The following ZNF292 variants were observed in gnomAD, a reference collection of about 807,000 sequenced individuals.
The protein encoded by ZNF292 is 16 zinc-finger domain protein.
In ZNF292, 26 loss-of-function variants were observed where a neutral mutation model predicts 217.9. The observed-to-expected ratio is 0.12, with a 90% CI of 0.09 to 0.17. The LOEUF (loss-of-function observed/expected upper bound fraction) is 0.17. Among genes scored for constraint, ZNF292 ranks in the 10% least tolerant of loss-of-function variants. ZNF292 has a pLI of 1.00. For synonymous variants in ZNF292, 1,257 were observed against 1,124.1 expected (o/e 1.12, Z -2.37); for missense variants, 2,904 against 3,175.2 (o/e 0.91, Z 2.05).
chr6:87,237,935 T>C (rs1773980108), intron 5 of ZNF292, among the ~76,000 whole-genome samples: 1 of 152,244 alleles, frequency 6.6e-6, no homozygotes, highest in South Asian at 2.1e-4. Context: ...TTTTCATGAT[T>C]TTAATTAGTA....
At chr6:87,199,722 A>G (rs1018108220) in intron 1 of ZNF292, among the ~76,000 whole-genome samples, 4 of 152,210 alleles carry the variant, frequency 2.6e-5, no homozygotes, top group African/African-American at 9.7e-5. Context: ...GGTTCAGCCT[A>G]TATTAACATT....
At position 87,257,401 on chromosome 6, in the gene ZNF292, G is replaced by T. The variant is rs779008469; in HGVS notation, c.3772G>T (p.Gly1258Cys). 5.0e-6 allele frequency: 8 copies of T among 1,613,558 alleles called. No individual in the cohort carries two copies. Among genetic ancestry groups the T allele is most frequent in the Middle Eastern group, 1.6e-4 (1 of 6,062 alleles). The change falls in exon 8 of 8, where the codon GGC becomes TGC. Residue 1258 changes from glycine (G) to cysteine (C), a missense_variant. Around this residue, in one of 15 missense-constraint regions of ZNF292, gnomAD observed 687 missense variants for 623.0 expected, o/e 1.10. Transcript: ENST00000369577. ...KTVLPLNIDS[G>C]SDPFLPLPAE... is the part of the protein sequence containing the mutation. ...AGTTCTGCCTTTGAATATTGACAGT[G>T]GCTCAGATCCTTTCCTTCCTTTACC...
At chr6:87,233,179 TC>T (rs1222565480) in intron 4 of ZNF292, 145 bp from the exon 5 acceptor site, 2 of 613,856 alleles carry the variant, frequency 3.3e-6, no homozygotes, top group East Asian at 5.7e-5. Flanking sequence ...TAAGGTCAAG[TC>T]TTTTGTGATA....
At position 87,260,766 on chromosome 6, in the gene ZNF292, A is replaced by G; in HGVS notation, c.7137A>G (p.Thr2379=). 6.2e-7 allele frequency: 1 copy of G among 1,613,462 alleles called. No individual in the cohort carries two copies. Among genetic ancestry groups the G allele is most frequent in the Non-Finnish European group, 8.5e-7 (1 of 1,179,632 alleles). Residue 2379 remains threonine, a synonymous_variant, in exon 8 of 8, where the codon ACA becomes ACG. Coordinates refer to ENST00000369577, the MANE Select transcript of ZNF292 (RefSeq NM_015021.3). ...KARNDALSEC[T]SRFVTQYPCM... ...GAAATGATGCCCTGTCTGAGTGTAC[A>G]AGCAGATTTGTAACCCAGTATCCAT...
intron 1 of ZNF292, among the ~76,000 whole-genome samples, chr6:87,207,751 T>C (rs556974040): frequency 6.2e-4 from 94 of 152,328 alleles, no homozygotes; most frequent in Non-Finnish European, 1.1e-3. Context: ...CTCAATTGTT[T>C]AAATCTCCTC....
Position 87,245,500 on chromosome 6 carries a change from A to T in ZNF292, c.879-3A>T. 1 of 1,491,754 alleles carries T rather than the reference A, an allele frequency of 6.7e-7. No homozygotes were observed. Among genetic ancestry groups the T allele is most frequent in the Non-Finnish European group, 8.9e-7 (1 of 1,123,028 alleles). The allele number at this position is 1,491,754 out of a possible 1,614,324, so 92.4% of individuals were successfully genotyped here. A position where few individuals can be genotyped will look rare whatever the true frequency, so the allele number is the denominator to read the frequency against. ...TTTCTTATTATAACTTTTTTTTTTT[A>T]AGGGAACTTACTCTCTTTTGGAGTA... On this transcript the variant is annotated splice_region_variant and splice_polypyrimidine_tract_variant and intron_variant, in intron 6 of 7. Transcript: ENST00000369577.
Position 87,155,723 on chromosome 6 carries a change from G to T in ZNF292, c.132G>T (p.Val44=). 6.3e-7 allele frequency: 1 copy of T among 1,599,356 alleles called. No individual in the cohort carries two copies. The highest frequency in any genetic ancestry group is 2.3e-5 in the East Asian group (1 of 44,412). ...TGCGGGAGAGCCGGGTACCGGCCGT[G>T]GAAGCGGCCACCGACTACTGTCAGC... is the stretch of plus-strand genomic sequence containing the variant. ...LQLRESRVPA[V]EAATDYCQQL... is the part of the protein sequence containing the mutation. The change falls in exon 1 of 8, where the codon GTG becomes GTT. Residue 44 remains valine, a synonymous_variant. Coordinates refer to ENST00000369577, the MANE Select transcript of ZNF292 (RefSeq NM_015021.3).
chr6:87,228,366 ATTCCTT>A (rs1169642464), intron 4 of ZNF292, among the ~76,000 whole-genome samples: 1 of 152,114 alleles, frequency 6.6e-6, no homozygotes, highest in Non-Finnish European at 1.5e-5. Flanking sequence ...ATTTTCTCTC[ATTCCTT>A]TTCACTCTGG....
At chr6:87,157,357 A>C (rs888681308) in intron 1 of ZNF292, among the ~76,000 whole-genome samples, 1 of 152,196 alleles carries the variant, frequency 6.6e-6, no homozygotes, top group Non-Finnish European at 1.5e-5. Context: ...TGCAGTACCC[A>C]CTCATTCTTA....
In ZNF292 at chr6:87,205,996, T is replaced by C. The variant is rs540651469; in HGVS notation, c.169-9907T>C. Among the ~76,000 whole-genome samples the C allele has an allele frequency of 2.6e-5, 4 of 152,326 alleles. No individual in the cohort carries two copies. In the South Asian group the frequency reaches 8.3e-4, roughly 32 times the overall value. ...GGTCTGGCTAAGTATCTGTTGATCT[T>C]GGCTGGACTGATAGATATGTTTCAG... On this transcript the variant is annotated intron_variant, in intron 1 of 7. Coordinates refer to ENST00000369577, the MANE Select transcript of ZNF292 (RefSeq NM_015021.3).
chr6:87,180,985 G>A (rs182036435), intron 1 of ZNF292, among the ~76,000 whole-genome samples: 140 of 152,320 alleles, frequency 9.2e-4, no homozygotes, highest in Admixed American at 1.3e-3. Context: ...CGAGCATGCA[G>A]ACAGGTAGGT....
Position 87,256,370 on chromosome 6 carries a change from A to C in ZNF292, c.2741A>C (p.Asn914Thr), listed in dbSNP as rs940573250. 2 of 1,610,314 alleles carry C rather than the reference A, an allele frequency of 1.2e-6. No homozygotes were observed. Among genetic ancestry groups the C allele is most frequent in the African/African-American group, 1.3e-5 (1 of 74,928 alleles). The change falls in exon 8 of 8, where the codon AAT (asparagine) becomes ACT (threonine). Residue 914 changes from asparagine (N) to threonine (T), a missense_variant. Coordinates refer to ENST00000369577, the MANE Select transcript of ZNF292 (RefSeq NM_015021.3). ...TCTGCCTCTGAGCTCAGGCAAGCTA[A>C]TGGACCATTGTCAAATGGTTTGGAA... Reference protein sequence around the residue: ...QISASELRQANGPLSNGLENP... With the variant: ...QISASELRQATGPLSNGLENP...
At chr6:87,166,845 C>A (rs564167745) in intron 1 of ZNF292, among the ~76,000 whole-genome samples, 43 of 152,298 alleles carry the variant, frequency 2.8e-4, no homozygotes, top group African/African-American at 1.0e-3. Context: ...ATTGTACATA[C>A]AATGCTTTGA....
At chr6:87,197,914 G>C (rs1772001764) in intron 1 of ZNF292, among the ~76,000 whole-genome samples, 1 of 151,930 alleles carries the variant, frequency 6.6e-6, no homozygotes, top group African/African-American at 2.4e-5. Flanking sequence ...TCTATTTTAA[G>C]AATATTTATG....
intron 1 of ZNF292, among the ~76,000 whole-genome samples, chr6:87,190,574 A>G (rs1338458950): frequency 6.6e-5 from 10 of 152,050 alleles, no homozygotes; most frequent in African/African-American, 2.2e-4. Context: ...CCCGGGTTCA[A>G]GTGATTCTCC....
At chr6:87,226,122 T>G (rs1257946972) in intron 4 of ZNF292, among the ~76,000 whole-genome samples, 1 of 152,186 alleles carries the variant, frequency 6.6e-6, no homozygotes, top group Non-Finnish European at 1.5e-5. Flanking sequence ...TCCCTCTACT[T>G]CTATATTGGG....
In ZNF292 at chr6:87,197,266, C is replaced by T. The variant is rs568804671; in HGVS notation, c.169-18637C>T. The stretch of plus-strand genomic sequence containing the variant: ...GCCAGTAAATGTGTTAGTAAAATAG[C>T]ATATCTGTTTGCTATATTCTAGCAG... On this transcript the variant is annotated intron_variant, in intron 1 of 7. Transcript: ENST00000369577. Among the ~76,000 whole-genome samples the T allele has an allele frequency of 3.3e-5, 5 of 152,264 alleles. No homozygotes were observed. In the East Asian group the frequency reaches 9.6e-4, roughly 29 times the overall value.
chr6:87,243,622 CT>C lies in ZNF292; in HGVS notation c.878+22del, dbSNP rs200888322. The C allele has an allele frequency of 0.012, 13,248 of 1,069,924 alleles. No homozygotes were observed. Among genetic ancestry groups the C allele is most frequent in the South Asian group, 0.028 (1,351 of 48,322 alleles). The allele number at this position is 1,069,924 out of a possible 1,614,324, so 66.3% of individuals were successfully genotyped here. ...TATGTACTGCGCTTGGTGAGTTGAT[CT>C]TTTTTTTTTTAAAGAAATATTTGTT... is the stretch of plus-strand genomic sequence containing the variant. On this transcript the variant is annotated intron_variant, in intron 6 of 7. Coordinates refer to ENST00000369577, the MANE Select transcript of ZNF292 (RefSeq NM_015021.3).
intron 1 of ZNF292, among the ~76,000 whole-genome samples, chr6:87,157,571 G>T (rs1185593162): frequency 6.6e-6 from 1 of 152,104 alleles, no homozygotes; most frequent in Non-Finnish European, 1.5e-5. Context: ...TTTTTTGTCA[G>T]CAGTATTTGT....
Sources: gnomAD v4.1 joint callset for allele counts (sites outside exome capture counted in the v4.1 genomes callset) on GRCh38, gnomAD v4.1.1 for gene constraint, gnomAD v4.1.1 regional missense constraint, MANE v1.5 for transcripts, NCBI Gene and HGNC (gene_info 2026-07-23, HGNC 2026-07-21) for gene names.